MAP2: variants seen among roughly 807,000 people sequenced by gnomAD.
MAP2 encodes microtubule associated protein 2, also known as microtubule-associated protein 2.
A neutral mutation model predicts 137.6 loss-of-function variants in MAP2; 14 were observed. That is an observed-to-expected ratio of 0.10 (90% CI 0.07 to 0.16). MAP2 has a LOEUF of 0.16. Ranked by LOEUF, MAP2 falls within the 10% of genes least tolerant of loss-of-function variation. The pLI is 1.00. For missense variants in MAP2, 2,088 were observed against 2,191.5 expected (o/e 0.95, Z 0.94); for synonymous variants, 786 against 782.3 (o/e 1.00, Z -0.08).
In MAP2 at chr2:209,697,010, C is replaced by T. The variant is rs770255902; in HGVS notation, c.4481C>T (p.Thr1494Ile). The T allele has an allele frequency of 1.7e-5, 28 of 1,613,112 alleles. 2 individuals are homozygous for T. In the South Asian group the frequency reaches 3.1e-4, roughly 18 times the overall value. Residue 1494 changes from threonine (T) to isoleucine (I), a missense_variant, in exon 10 of 16, where the codon ACT becomes ATT. Coordinates refer to ENST00000682079, the MANE Select transcript of MAP2 (RefSeq NM_001375505.1). ...ATTTTAAAACCTGCTATCAAATATA[C>T]TAGACCAACTCATCTCTCCTGTGTT... ...KFILKPAIKY[T>I]RPTHLSCVKR...
At chr2:209,603,215 C>G (rs2083505006) in intron 3 of MAP2, among the ~76,000 whole-genome samples, 1 of 151,972 alleles carries the variant, frequency 6.6e-6, no homozygotes, top group Non-Finnish European at 1.5e-5. Context: ...AAAAGAAACC[C>G]CTTGGTTTAT....
At chr2:209,494,524 G>A (rs1281048218) in intron 1 of MAP2, among the ~76,000 whole-genome samples, 8 of 151,580 alleles carry the variant, frequency 5.3e-5, no homozygotes, top group South Asian at 2.1e-4. Context: ...TCCTACCAGC[G>A]CCATGACAGT....
chr2:209,568,908 G>T (rs754185746), intron 2 of MAP2, among the ~76,000 whole-genome samples: 1 of 151,682 alleles, frequency 6.6e-6, no homozygotes, highest in African/African-American at 2.4e-5. Flanking sequence ...TTCATGGTTT[G>T]CCCATTTCTC....
chr2:209,495,439 C>T (rs146171130), intron 1 of MAP2, among the ~76,000 whole-genome samples: 27 of 152,320 alleles, frequency 1.8e-4, no homozygotes, highest in South Asian at 4.1e-4. Flanking sequence ...GGGAGAGCTC[C>T]GGCTGGCATC....
At chr2:209,620,247 A>T in intron 3 of MAP2, among the ~76,000 whole-genome samples, 1 of 152,176 alleles carries the variant, frequency 6.6e-6, no homozygotes, top group East Asian at 1.9e-4. Flanking sequence ...AGACAAGACT[A>T]GATCATTTCT....
chr2:209,514,398 G>A (rs2062165571), intron 2 of MAP2, among the ~76,000 whole-genome samples: 1 of 151,698 alleles, frequency 6.6e-6, no homozygotes, highest in Admixed American at 6.6e-5. Flanking sequence ...TTAATTAAAT[G>A]TAGTATCAAA....
chr2:209,700,606 A>G (rs2153734360), intron 11 of MAP2, among the ~76,000 whole-genome samples: 1 of 152,306 alleles, frequency 6.6e-6, no homozygotes, highest in Admixed American at 6.5e-5. Context: ...TGATATGGCA[A>G]AAGTAAGGAA....
Position 209,695,086 on chromosome 2 carries a change from T to C in MAP2, c.2916T>C (p.Asp972=), listed in dbSNP as rs1427439768. The C allele has an allele frequency of 1.2e-6, 2 of 1,613,998 alleles. No individual in the cohort carries two copies. Among genetic ancestry groups the C allele is most frequent in the Non-Finnish European group, 1.7e-6 (2 of 1,180,024 alleles). Reference sequence around the variant, plus strand: ...TAGAAAAGAGTGAAGAACATGCTGATTCAAAAGAACATGCCAAGAAAACTG... The same window carrying C: ...TAGAAAAGAGTGAAGAACATGCTGACTCAAAAGAACATGCCAAGAAAACTG... ...TVLEKSEEHA[D]SKEHAKKTEE... The change falls in exon 8 of 16, where the codon GAT becomes GAC. Residue 972 remains aspartate (D), a synonymous_variant. Coordinates refer to ENST00000682079, the MANE Select transcript of MAP2 (RefSeq NM_001375505.1).
intron 2 of MAP2, among the ~76,000 whole-genome samples, chr2:209,521,134 G>A (rs2063215598): frequency 6.6e-6 from 1 of 151,950 alleles, no homozygotes; most frequent in African/African-American, 2.4e-5. Flanking sequence ...GACTCTAAAT[G>A]AATAATTTAT....
rs991045632 is a variant in MAP2 at position 209,501,284 on chromosome 2, CAATT to C, written c.-221-6303_-221-6300del. 1.4e-4 allele frequency among the ~76,000 whole-genome samples: 21 copies of C among 152,186 alleles called. 1 individual carries two copies. In the East Asian group the frequency reaches 1.5e-3, roughly 11 times the overall value. On this transcript the variant is annotated intron_variant, in intron 1 of 15. Transcript: ENST00000682079. Reference sequence around the variant, plus strand: ...ATAAAAATTGTGAATTTTCAGCTCACAATTAATTTTGATAATCCAATAGCTAAAA... The same window carrying C: ...ATAAAAATTGTGAATTTTCAGCTCACAATTTTGATAATCCAATAGCTAAAA...
At chr2:209,724,639 T>A (rs1242071666) in intron 13 of MAP2, among the ~76,000 whole-genome samples, 1 of 152,100 alleles carries the variant, frequency 6.6e-6, no homozygotes, top group East Asian at 1.9e-4. Flanking sequence ...AGCTGTTGCC[T>A]GATAATCAAA....
At chr2:209,681,474 A>G (rs1269968285) in intron 7 of MAP2, among the ~76,000 whole-genome samples, 1 of 152,126 alleles carries the variant, frequency 6.6e-6, no homozygotes. Context: ...TTAGCTTTTC[A>G]ATTCTCATTG....
chr2:209,695,447 G>A lies in MAP2; in HGVS notation c.3277G>A (p.Gly1093Ser). 6.2e-7 allele frequency: 1 copy of A among 1,613,928 alleles called. No individual in the cohort carries two copies. The highest frequency in any genetic ancestry group is 8.5e-7 in the Non-Finnish European group (1 of 1,179,954). The change falls in exon 8 of 16, where the codon GGT becomes AGT. Residue 1093 changes from glycine (G) to serine (S), a missense_variant. Coordinates refer to ENST00000682079, the MANE Select transcript of MAP2 (RefSeq NM_001375505.1). ...KAPQEADAFM[G>S]VESGHMKEGT... ...ACCGCAGGAGGCAGATGCATTTATG[G>A]GTGTTGAGTCTGGCCACATGAAAGA... is the stretch of plus-strand genomic sequence containing the variant.
chr2:209,529,150 T>C (rs990368676), intron 2 of MAP2, among the ~76,000 whole-genome samples: 3 of 151,820 alleles, frequency 2.0e-5, no homozygotes, highest in African/African-American at 7.3e-5. Context: ...GGAAAAAAAA[T>C]GGTGGTGTGG....
At chr2:209,585,307 G>T (rs759695930) in intron 3 of MAP2, among the ~76,000 whole-genome samples, 5 of 150,198 alleles carry the variant, frequency 3.3e-5, no homozygotes, top group Non-Finnish European at 7.4e-5. Context: ...AGAAAACAAA[G>T]TTAAAACTCA....
At chr2:209,687,264 C>T (rs2057332719) in intron 7 of MAP2, among the ~76,000 whole-genome samples, 2 of 150,738 alleles carry the variant, frequency 1.3e-5, no homozygotes, top group South Asian at 4.3e-4. Context: ...CATAATCTTA[C>T]AGGCGTTAAA....
chr2:209,541,661 G>T (rs2067067262), intron 2 of MAP2, among the ~76,000 whole-genome samples: 2 of 152,158 alleles, frequency 1.3e-5, no homozygotes, highest in African/African-American at 4.8e-5. Context: ...AATGTTCATA[G>T]CATCTTTACC....
chr2:209,501,521 C>T (rs1031754727), intron 1 of MAP2, among the ~76,000 whole-genome samples: 2 of 152,130 alleles, frequency 1.3e-5, no homozygotes, highest in Admixed American at 6.5e-5. Context: ...TTTCTCTTAC[C>T]TTTTAGGTGA....
chr2:209,595,869 A>G (rs904986928), intron 3 of MAP2, among the ~76,000 whole-genome samples: 3 of 152,088 alleles, frequency 2.0e-5, no homozygotes, highest in Non-Finnish European at 4.4e-5. Context: ...AAAACCAAAC[A>G]CTGCATGTTC....
Sources: allele counts gnomAD v4.1 joint callset (sites outside exome capture counted in the v4.1 genomes callset), GRCh38; gene constraint gnomAD v4.1.1; transcripts MANE v1.5; gene names NCBI Gene and HGNC (gene_info 2026-07-23, HGNC 2026-07-21).